DCBLD1: variants seen among roughly 807,000 people sequenced by gnomAD.
DCBLD1 encodes discoidin, CUB and LCCL domain-containing protein 1.
A neutral mutation model predicts 71.5 loss-of-function variants in DCBLD1; 57 were observed. The observed-to-expected ratio is 0.80, with a 90% CI of 0.64 to 0.99. DCBLD1 has a LOEUF of 0.99. Among genes scored for constraint, DCBLD1 ranks in the 50% least tolerant of loss-of-function variants. DCBLD1 has a pLI of 0.00. For missense variants in DCBLD1, 891 were observed against 923.5 expected (o/e 0.96, Z 0.46); for synonymous variants, 380 against 363.8 (o/e 1.04, Z -0.51).
Position 117,568,048 on chromosome 6 carries a change from A to C in DCBLD1, c.1616-1572A>C, listed in dbSNP as rs1562138290. Among the ~76,000 whole-genome samples the C allele has an allele frequency of 2.6e-5, 4 of 151,002 alleles. No individual in the cohort carries two copies. The South Asian group carries it at 8.4e-4, about 32-fold the overall frequency. ...CTACAAAAAAAAAAAAAAAAAAAAA[A>C]ATTAGCTGGCCATGGTGGCAGGCAT... On this transcript the variant is annotated intron_variant, in intron 14 of 14. Coordinates refer to the DCBLD1 transcript ENST00000296955.
chr6:117,503,298 A>G (rs979122101), intron 1 of DCBLD1, among the ~76,000 whole-genome samples: 17 of 152,222 alleles, frequency 1.1e-4, no homozygotes, highest in African/African-American at 3.9e-4. Flanking sequence ...TAGCTAAACA[A>G]AGTTACATCA....
intron 1 of DCBLD1, among the ~76,000 whole-genome samples, chr6:117,491,314 A>C (rs969135123): frequency 1.3e-5 from 2 of 152,128 alleles, no homozygotes; most frequent in African/African-American, 4.8e-5. Context: ...AAAATGAACC[A>C]AGGTTTGCCC....
intron 1 of DCBLD1, among the ~76,000 whole-genome samples, chr6:117,492,448 A>G (rs191091706): frequency 7.2e-5 from 11 of 152,324 alleles, no homozygotes; most frequent in Admixed American, 6.5e-4. Context: ...TTTGTCTCCA[A>G]GGATACCCAT....
chr6:117,539,761 A>C (rs1361071446), intron 9 of DCBLD1: 1 of 155,758 alleles, frequency 6.4e-6, no homozygotes, highest in African/African-American at 2.4e-5. Context: ...CTCTAAAATA[A>C]AATAAAACTT....
chr6:117,540,993 C>T lies in DCBLD1; in HGVS notation c.1325C>T (p.Thr442Ile). 1 of 1,614,206 alleles carries T rather than the reference C, an allele frequency of 6.2e-7. No homozygotes were observed. Among genetic ancestry groups the T allele is most frequent in the Non-Finnish European group, 8.5e-7 (1 of 1,180,036 alleles). ...ACTAAGAAAGAAGATGAGACAATCACAAGGCCCATCCCCTCGGAAGAAACA... is the reference window on the plus strand; with the variant it reads ...ACTAAGAAAGAAGATGAGACAATCATAAGGCCCATCCCCTCGGAAGAAACA... ...VSTKKEDETI[T>I]RPIPSEETST... Residue 442 changes from threonine (T) to isoleucine (I), a missense_variant, in exon 11 of 15, where the codon ACA (threonine) becomes ATA (isoleucine). By Grantham distance (89) the Thr-to-Ile change is moderately conservative. Coordinates refer to ENST00000338728, the MANE Select transcript of DCBLD1 (RefSeq NM_001366458.2).
At chr6:117,530,191 C>T (rs1042708339) in intron 5 of DCBLD1, among the ~76,000 whole-genome samples, 1 of 152,080 alleles carries the variant, frequency 6.6e-6, no homozygotes, top group Non-Finnish European at 1.5e-5. Flanking sequence ...TACTGGGTAC[C>T]CTTTAGAATC....
intron 1 of DCBLD1, among the ~76,000 whole-genome samples, chr6:117,495,876 TG>T (rs1777451722): frequency 6.6e-6 from 1 of 152,234 alleles, no homozygotes; most frequent in African/African-American, 2.4e-5. Flanking sequence ...TGGTAATTAT[TG>T]ATGTCTTTGG....
chr6:117,550,338 A>T (rs556833442), downstream of DCBLD1, among the ~76,000 whole-genome samples: 1 of 152,314 alleles, frequency 6.6e-6, no homozygotes, highest in South Asian at 2.1e-4. Flanking sequence ...TACACAGCTA[A>T]ACCTAAACTA....
At chr6:117,539,552 G>T (rs112771121) in intron 9 of DCBLD1, 173 bp downstream of exon 9, 1 of 675,012 alleles carries the variant, frequency 1.5e-6, no homozygotes, top group Non-Finnish European at 2.2e-6. Context: ...GATCATTTGA[G>T]ACCATCCTGG....
intron 11 of DCBLD1, 52 bp from the exon 12 acceptor site, chr6:117,543,072 A>G: frequency 6.9e-7 from 1 of 1,456,110 alleles, no homozygotes; most frequent in South Asian, 1.1e-5. Context: ...AATCATGAAA[A>G]GTGGTTGTTG....
rs73766217 is a variant in DCBLD1 at position 117,491,891 on chromosome 6, C to T, written c.112+8998C>T. 5.1e-3 allele frequency among the ~76,000 whole-genome samples: 774 copies of T among 152,194 alleles called. 5 individuals are homozygous for T. Among genetic ancestry groups the T allele is most frequent in the African/African-American group, 0.018 (730 of 41,522 alleles). On this transcript the variant is annotated intron_variant, in intron 1 of 14. Coordinates refer to ENST00000338728, the MANE Select transcript of DCBLD1 (RefSeq NM_001366458.2). ...CGCTATACCTGTATTTCTGTATAAG[C>T]CCGAAATTTGACCTAAAGACTCGAT...
chr6:117,503,365 C>T (rs553870623), intron 1 of DCBLD1, among the ~76,000 whole-genome samples: 1 of 152,310 alleles, frequency 6.6e-6, no homozygotes, highest in African/African-American at 2.4e-5. Flanking sequence ...ATTTAATCAG[C>T]ACAACCACCT....
In DCBLD1 at chr6:117,526,223, T is replaced by G. The variant is rs145353212; in HGVS notation, c.585+789T>G. Among the ~76,000 whole-genome samples, 290 of 152,344 alleles carry G rather than the reference T, an allele frequency of 1.9e-3. 1 individual carries two copies. Among genetic ancestry groups the G allele is most frequent in the African/African-American group, 6.3e-3 (262 of 41,584 alleles). ...ACTGTGATTTTCTCTTTTAGCACAT[T>G]CTGATTCTGGGAACAGCAGATTTTG... On this transcript the variant is annotated intron_variant, in intron 5 of 14. Coordinates refer to ENST00000338728, the MANE Select transcript of DCBLD1 (RefSeq NM_001366458.2).
intron 11 of DCBLD1, among the ~76,000 whole-genome samples, chr6:117,541,964 A>G (rs1044228462): frequency 6.6e-6 from 1 of 152,176 alleles, no homozygotes; most frequent in South Asian, 2.1e-4. Context: ...TGGATGCTTT[A>G]AGTTATTTGA....
intron 9 of DCBLD1, 76 bp from the exon 10 acceptor site, chr6:117,540,592 C>G: frequency 1.3e-6 from 2 of 1,546,082 alleles, no homozygotes; most frequent in Non-Finnish European, 1.8e-6. Flanking sequence ...TTTCATATAA[C>G]CAGGTATAAG....
Position 117,541,023 on chromosome 6 carries a change from C to T in DCBLD1, c.1355C>T (p.Thr452Ile). 1 of 1,614,162 alleles carries T rather than the reference C, an allele frequency of 6.2e-7. No individual in the cohort carries two copies. The highest frequency in any genetic ancestry group is 8.5e-7 in the Non-Finnish European group (1 of 1,180,000). The change falls in exon 11 of 15, where the codon ACA becomes ATA. Residue 452 changes from threonine to isoleucine, a missense_variant and splice_region_variant. Physicochemically the swap from Thr to Ile is moderately conservative, Grantham distance 89. Coordinates refer to ENST00000338728, the MANE Select transcript of DCBLD1 (RefSeq NM_001366458.2). Reference sequence around the variant, plus strand: ...CCCATCCCCTCGGAAGAAACATCCACAGGTAGAGCCGTGATTGTCTGTGGT... The same window carrying T: ...CCCATCCCCTCGGAAGAAACATCCATAGGTAGAGCCGTGATTGTCTGTGGT... ...TRPIPSEETS[T>I]GINITTVAIP...
intron 2 of DCBLD1, among the ~76,000 whole-genome samples, chr6:117,519,181 C>G (rs1778304728): frequency 6.6e-6 from 1 of 152,050 alleles, no homozygotes; most frequent in Non-Finnish European, 1.5e-5. Flanking sequence ...CATTGAGATC[C>G]CTATTGCTTT....
intron 2 of DCBLD1, among the ~76,000 whole-genome samples, chr6:117,512,181 T>C (rs1345166627): frequency 6.6e-6 from 1 of 152,124 alleles, no homozygotes; most frequent in Non-Finnish European, 1.5e-5. Context: ...GGGAGAGAAG[T>C]AATGGCTTAA....
At chr6:117,565,073 C>CT (rs1305927900) in intron 14 of DCBLD1, among the ~76,000 whole-genome samples, 1 of 151,794 alleles carries the variant, frequency 6.6e-6, no homozygotes, top group African/African-American at 2.4e-5. Flanking sequence ...ATTGAAAAAT[C>CT]TAAAAAAAAA....
Sources: allele counts gnomAD v4.1 joint callset (sites outside exome capture counted in the v4.1 genomes callset), GRCh38; gene constraint gnomAD v4.1.1; transcripts MANE v1.5; gene names NCBI Gene and HGNC (gene_info 2026-07-23, HGNC 2026-07-21).